The following COL22A1 variants were observed in gnomAD, a reference collection of about 807,000 sequenced individuals.
The protein encoded by COL22A1 is collagen alpha-1(XXII) chain.
In COL22A1, 221 loss-of-function variants were observed where a neutral mutation model predicts 248.9. The ratio of observed to expected loss-of-function variants is 0.89; its 90% CI spans 0.80 to 0.99. The LOEUF (loss-of-function observed/expected upper bound fraction) is 0.99. Among genes scored for constraint, COL22A1 ranks in the 50% least tolerant of loss-of-function variants. The probability of loss-of-function intolerance (pLI) is 0.00; values close to 1 mark genes in which losing one functional copy is unlikely to be tolerated. For synonymous variants in COL22A1, 891 were observed against 793.4 expected (o/e 1.12, Z -2.07); for missense variants, 2,240 against 2,179.0 (o/e 1.03, Z -0.56).
chr8:138,635,331 T>G (rs1380756353), intron 48 of COL22A1, among the ~76,000 whole-genome samples: 2 of 152,068 alleles, frequency 1.3e-5, no homozygotes. Context: ...AGGACATAAA[T>G]GAAAACAAGA....
At chr8:138,841,513 G>C (rs1820879293) in intron 4 of COL22A1, among the ~76,000 whole-genome samples, 2 of 152,142 alleles carry the variant, frequency 1.3e-5, no homozygotes, top group South Asian at 2.1e-4. Context: ...ACCACACAGA[G>C]GTAATACCAT....
intron 4 of COL22A1, among the ~76,000 whole-genome samples, chr8:138,837,663 C>T (rs1428161619): frequency 2.0e-5 from 3 of 152,172 alleles, no homozygotes; most frequent in Admixed American, 6.5e-5. Context: ...CTGGAAGTGT[C>T]CTGGGGCCTG....
chr8:138,663,640 A>G, intron 42 of COL22A1, 65 bp downstream of exon 42: 2 of 1,291,696 alleles, frequency 1.5e-6, no homozygotes, highest in Non-Finnish European at 2.3e-6. Flanking sequence ...CCCATTTAAA[A>G]CTGCTTTGAT....
intron 6 of COL22A1, among the ~76,000 whole-genome samples, chr8:138,822,821 A>C (rs1819255302): frequency 6.6e-6 from 1 of 151,854 alleles, no homozygotes; most frequent in African/African-American, 2.4e-5. Context: ...CATGTGCCCC[A>C]GTTCTTTGGA....
In COL22A1 at chr8:138,858,380, T is replaced by A. The variant is rs117868092; in HGVS notation, c.659-14222A>T. Among the ~76,000 whole-genome samples the A allele has an allele frequency of 4.3e-4, 66 of 152,250 alleles. No homozygotes were observed. The East Asian group carries it at 0.012, about 28-fold the overall frequency. ...TTTTTCTTTGTTTTGTTTTGTTTTG[T>A]TTTGATTTGTTTTGTTTAGAGGCTG... On this transcript the variant is annotated intron_variant, in intron 3 of 64. Coordinates refer to ENST00000303045, the MANE Select transcript of COL22A1 (RefSeq NM_152888.3).
At chr8:138,790,807 G>T (rs1426905413) in intron 12 of COL22A1, among the ~76,000 whole-genome samples, 1 of 152,056 alleles carries the variant, frequency 6.6e-6, no homozygotes, top group Non-Finnish European at 1.5e-5. Context: ...CAATGGCTGT[G>T]CCCTATCAGT....
intron 1 of COL22A1, among the ~76,000 whole-genome samples, chr8:138,901,375 T>TTTTTG (rs1554660919): frequency 1.3e-4 from 18 of 143,840 alleles, no homozygotes; most frequent in African/African-American, 4.0e-4. Flanking sequence ...TTTTGTTTTT[T>TTTTTG]TTTTTTTTTG....
At chr8:138,759,893 A>G (rs973398426) in intron 18 of COL22A1, among the ~76,000 whole-genome samples, 7 of 152,104 alleles carry the variant, frequency 4.6e-5, no homozygotes, top group African/African-American at 7.2e-5. Context: ...AGATTTTTTA[A>G]TATTTATTTA....
chr8:138,869,648 C>T (rs981113208), intron 3 of COL22A1, among the ~76,000 whole-genome samples: 1 of 152,180 alleles, frequency 6.6e-6, no homozygotes, highest in Non-Finnish European at 1.5e-5. Context: ...GTAATTTTCA[C>T]ATAAAATTTC....
At chr8:138,663,794 A>C in intron 41 of COL22A1, 54 bp from the exon 42 acceptor site, 1 of 1,372,080 alleles carries the variant, frequency 7.3e-7, no homozygotes. Context: ...TGCTGATGTA[A>C]ACAAGCTATG....
chr8:138,736,687 G>A (rs1831136496), intron 23 of COL22A1, among the ~76,000 whole-genome samples: 2 of 152,110 alleles, frequency 1.3e-5, no homozygotes, highest in Admixed American at 6.5e-5. Flanking sequence ...CCAAGTATGA[G>A]GACAGAGGAA....
chr8:138,718,492 G>T (rs1160131985), intron 27 of COL22A1, among the ~76,000 whole-genome samples: 1 of 152,298 alleles, frequency 6.6e-6, no homozygotes, highest in East Asian at 1.9e-4. Flanking sequence ...GAGGTGAAAC[G>T]GTATCTTCTT....
chr8:138,701,425 A>G (rs1189615507), intron 31 of COL22A1, among the ~76,000 whole-genome samples: 1 of 152,218 alleles, frequency 6.6e-6, no homozygotes, highest in Admixed American at 6.5e-5. Flanking sequence ...AATACATTAA[A>G]AAAAGATGGA....
At chr8:138,603,815 G>A (rs946261357) in intron 59 of COL22A1, among the ~76,000 whole-genome samples, 2 of 152,156 alleles carry the variant, frequency 1.3e-5, no homozygotes, top group Non-Finnish European at 2.9e-5. Flanking sequence ...AGTTAAGAAC[G>A]TGACCCAAAG....
At chr8:138,712,881 G>A (rs1194858941) in intron 30 of COL22A1, among the ~76,000 whole-genome samples, 1 of 151,676 alleles carries the variant, frequency 6.6e-6, no homozygotes, top group Admixed American at 6.6e-5. Context: ...TACAAACAGA[G>A]AGTGAGGGTT....
At chr8:138,716,683 T>C (rs1586554528) in intron 28 of COL22A1, 142 bp downstream of exon 28, 1 of 670,876 alleles carries the variant, frequency 1.5e-6, no homozygotes, top group South Asian at 1.7e-5. Flanking sequence ...TGTTCTTCAA[T>C]GTCCAGTTTA....
chr8:138,688,800 A>C, intron 37 of COL22A1, 117 bp downstream of exon 37: 15 of 808,460 alleles, frequency 1.9e-5, no homozygotes, highest in Non-Finnish European at 2.8e-5. Flanking sequence ...CCTACTTAGT[A>C]AACCCCTTCT....
chr8:138,767,209 C>A (rs1026311755), intron 16 of COL22A1, among the ~76,000 whole-genome samples: 2 of 152,132 alleles, frequency 1.3e-5, no homozygotes, highest in Non-Finnish European at 2.9e-5. Context: ...GTGGAAGGTG[C>A]GCATTAACAG....
intron 14 of COL22A1, 145 bp downstream of exon 14, chr8:138,779,364 T>G (rs2131516567): frequency 1.6e-6 from 1 of 608,406 alleles, no homozygotes; most frequent in East Asian, 2.7e-5. Context: ...TGTGTGGATA[T>G]ACACACACAA....
Sources: gnomAD v4.1 joint callset for allele counts (sites outside exome capture counted in the v4.1 genomes callset) on GRCh38, gnomAD v4.1.1 for gene constraint, MANE v1.5 for transcripts, NCBI Gene and HGNC (gene_info 2026-07-23, HGNC 2026-07-21) for gene names.